Variants in SAXO1 observed in about 807,000 individuals in gnomAD.
SAXO1 encodes 4930500O09Rik.
A neutral mutation model predicts 17.5 loss-of-function variants in SAXO1; 21 were observed. The ratio of observed to expected loss-of-function variants is 1.20; its 90% CI spans 0.85 to 1.72. The LOEUF (loss-of-function observed/expected upper bound fraction) is 1.72. SAXO1 is among the 40% of genes most tolerant of loss of function. The pLI, the probability that SAXO1 is intolerant of heterozygous loss-of-function variation, is 0.00. For synonymous variants in SAXO1, 274 were observed against 216.5 expected (o/e 1.27, Z -2.33); for missense variants, 843 against 596.0 (o/e 1.41, Z -4.32).
At chr9:19,016,400 C>T (rs570902462) in intron 1 of SAXO1, among the ~76,000 whole-genome samples, 2 of 152,308 alleles carry the variant, frequency 1.3e-5, no homozygotes, top group Admixed American at 1.3e-4. Context: ...TGCGCTACTG[C>T]ACTCCAGCAT....
At chr9:18,998,522 C>T (rs1208711989) in intron 1 of SAXO1, among the ~76,000 whole-genome samples, 3 of 152,150 alleles carry the variant, frequency 2.0e-5, no homozygotes, top group Non-Finnish European at 4.4e-5. Context: ...GAGAATGGAA[C>T]CAAGTTAGAA....
In SAXO1 at chr9:18,941,711, C is replaced by T. The variant is rs754344498; in HGVS notation, c.347G>A (p.Arg116Gln). 4.3e-6 allele frequency: 7 copies of T among 1,614,154 alleles called. No homozygotes were observed. Among genetic ancestry groups the T allele is most frequent in the Middle Eastern group, 1.6e-4 (1 of 6,062 alleles). Residue 116 changes from arginine to glutamine, a missense_variant, in exon 3 of 4, where the codon CGA becomes CAA. Transcript: ENST00000380534. ...KKDYNPYPVC[R>Q]VDPIKPRDSK... Reference sequence around the variant, plus strand: ...GTCCCGAGGTTTGATGGGGTCCACTCGACAGACAGGGTAGGGATTGTAATC... The same window carrying T: ...GTCCCGAGGTTTGATGGGGTCCACTTGACAGACAGGGTAGGGATTGTAATC...
At position 19,032,970 on chromosome 9, in the gene SAXO1, A is replaced by AC. The variant is rs540832759; in HGVS notation, c.-63dup. On this transcript the variant is annotated 5_prime_UTR_variant, in exon 1 of 4. Transcript: ENST00000380534. ...ATCGCCAGCTGCAGCCGACTCCTAG[A>AC]CCCCAACCACCTGTCTTGGGGCACG... The AC allele has an allele frequency of 3.8e-3, 5,904 of 1,544,148 alleles. 56 individuals are homozygous for AC. Among genetic ancestry groups the AC allele is most frequent in the South Asian group, 0.028 (2,345 of 84,456 alleles).
chr9:19,047,135 C>T (rs1025466465), intron 1 of SAXO1, among the ~76,000 whole-genome samples: 5 of 152,020 alleles, frequency 3.3e-5, no homozygotes, highest in African/African-American at 4.8e-5. Flanking sequence ...TGCAGTAAGC[C>T]GAGATAGTGC....
At chr9:19,038,613 G>C (rs1234178472) in intron 1 of SAXO1, among the ~76,000 whole-genome samples, 1 of 116,264 alleles carries the variant, frequency 8.6e-6, no homozygotes, top group Non-Finnish European at 1.7e-5. Flanking sequence ...GTTGTGGGGT[G>C]GGGGGAGGGG....
rs188672311 is a variant in SAXO1 at position 18,960,230 on chromosome 9, G to A, written c.39-9293C>T. On this transcript the variant is annotated intron_variant, in intron 1 of 3. Transcript: ENST00000380534. ...GGTGAAGCCATCCCTGGGACGCGTG[G>A]GGTAGGATTTTGCCAATGGCCTCAT... Among the ~76,000 whole-genome samples, 41 of 152,272 alleles carry A rather than the reference G, an allele frequency of 2.7e-4. No individual in the cohort carries two copies. The South Asian group carries it at 7.3e-3, about 27-fold the overall frequency.
intron 1 of SAXO1, 54 bp downstream of exon 1, chr9:19,032,817 G>C (rs548635675): frequency 1.6e-5 from 25 of 1,589,166 alleles, no homozygotes; most frequent in Middle Eastern, 1.7e-4. Context: ...TCCCTTCCTC[G>C]GGAGTCTGAA....
chr9:18,953,914 G>C (rs1477415263), intron 1 of SAXO1, among the ~76,000 whole-genome samples: 2 of 152,162 alleles, frequency 1.3e-5, no homozygotes, highest in Non-Finnish European at 2.9e-5. Flanking sequence ...CAACGTTTAA[G>C]AACTAATTAG....
intron 1 of SAXO1, chr9:19,027,011 GA>G (rs1255853499): frequency 7.0e-6 from 6 of 859,454 alleles, no homozygotes; most frequent in Non-Finnish European, 1.2e-5. Context: ...AGATCATGAA[GA>G]GTTAACTGTT....
intron 3 of SAXO1, among the ~76,000 whole-genome samples, chr9:18,941,407 C>A (rs768119017): frequency 9.9e-5 from 15 of 152,276 alleles, no homozygotes; most frequent in Non-Finnish European, 1.5e-4. Context: ...ATATCATTTT[C>A]ACAGTCCTCA....
chr9:18,988,175 T>C (rs1254112477), intron 1 of SAXO1, among the ~76,000 whole-genome samples: 1 of 152,240 alleles, frequency 6.6e-6, no homozygotes, highest in African/African-American at 2.4e-5. Context: ...TGCAACTTCC[T>C]AGCCACAAAG....
intron 1 of SAXO1, among the ~76,000 whole-genome samples, chr9:19,021,263 G>T (rs1835221464): frequency 6.6e-6 from 1 of 152,184 alleles, no homozygotes; most frequent in South Asian, 2.1e-4. Flanking sequence ...AGCTAGGGCT[G>T]GGGTAGCCAC....
chr9:18,971,659 C>G (rs73645546), intron 1 of SAXO1, among the ~76,000 whole-genome samples: 1,553 of 152,234 alleles, frequency 0.01, 23 homozygotes, highest in African/African-American at 0.033. Flanking sequence ...AGCTGAGCAG[C>G]TGGAATGAAA....
chr9:18,967,000 C>A (rs1160996094), intron 1 of SAXO1, among the ~76,000 whole-genome samples: 3 of 152,146 alleles, frequency 2.0e-5, no homozygotes, highest in East Asian at 1.9e-4. Context: ...ATAGTCAAGC[C>A]CCTCTTCTGC....
At chr9:19,041,044 C>G (rs1265600688) in intron 1 of SAXO1, among the ~76,000 whole-genome samples, 1 of 148,080 alleles carries the variant, frequency 6.8e-6, no homozygotes, top group African/African-American at 2.5e-5. Flanking sequence ...TTTGGAAAAA[C>G]CTAAAGGCTC....
At chr9:19,007,972 T>C (rs1206064466) in intron 1 of SAXO1, among the ~76,000 whole-genome samples, 2 of 147,650 alleles carry the variant, frequency 1.4e-5, no homozygotes, top group South Asian at 2.1e-4. Flanking sequence ...TACTACCAGG[T>C]CTTTTTTTTT....
chr9:18,949,876 C>G (rs1254436629), intron 2 of SAXO1, among the ~76,000 whole-genome samples: 1 of 152,220 alleles, frequency 6.6e-6, no homozygotes, highest in Non-Finnish European at 1.5e-5. Context: ...CATTCACCAT[C>G]ATCTCCACCT....
chr9:19,035,057 A>C (rs1027129347), upstream of SAXO1, among the ~76,000 whole-genome samples: 1 of 152,140 alleles, frequency 6.6e-6, no homozygotes, highest in African/African-American at 2.4e-5. Flanking sequence ...GATATACCTA[A>C]AGATCAGTGC....
At chr9:18,977,363 C>T (rs1833192104) in intron 1 of SAXO1, among the ~76,000 whole-genome samples, 1 of 137,726 alleles carries the variant, frequency 7.3e-6, no homozygotes, top group Admixed American at 7.1e-5. Context: ...ACATGCTGGG[C>T]ATACTGCTAA....
Sources: allele counts gnomAD v4.1 joint callset (sites outside exome capture counted in the v4.1 genomes callset), GRCh38; gene constraint gnomAD v4.1.1; transcripts MANE v1.5; gene names NCBI Gene and HGNC (gene_info 2026-07-23, HGNC 2026-07-21).